ENTPD1: variants seen among roughly 807,000 people sequenced by gnomAD.
ENTPD1 encodes the protein ectonucleoside triphosphate diphosphohydrolase 1, also known as ATP diphosphohydrolase.
Under a neutral mutation model 57.0 loss-of-function variants are expected in ENTPD1, and 33 were observed. That is an observed-to-expected ratio of 0.58 (90% CI 0.44 to 0.77). The LOEUF (loss-of-function observed/expected upper bound fraction) is 0.77. ENTPD1 is among the 30% of genes least tolerant of loss of function. The pLI, the probability that ENTPD1 is intolerant of heterozygous loss-of-function variation, is 0.00. For missense variants in ENTPD1, 501 were observed against 603.4 expected (o/e 0.83, Z 1.78); for synonymous variants, 202 against 218.8 (o/e 0.92, Z 0.68).
At chr10:95,858,261 G>C (rs2098459114) in intron 7 of ENTPD1, among the ~76,000 whole-genome samples, 1 of 152,126 alleles carries the variant, frequency 6.6e-6, no homozygotes, top group African/African-American at 2.4e-5. Context: ...TGGAAGTCCA[G>C]GGAATTCCAG....
At chr10:95,718,557 T>C (rs1424780120) in intron 1 of ENTPD1, among the ~76,000 whole-genome samples, 1 of 152,156 alleles carries the variant, frequency 6.6e-6, no homozygotes, top group Non-Finnish European at 1.5e-5. Context: ...CCTCGGAAGT[T>C]AGGAATTTCC....
intron 1 of ENTPD1, among the ~76,000 whole-genome samples, chr10:95,737,016 G>A (rs2097995368): frequency 6.6e-6 from 1 of 152,220 alleles, no homozygotes; most frequent in South Asian, 2.1e-4. Context: ...TGAGTCTACT[G>A]AAGTTGAACT....
intron 2 of ENTPD1, among the ~76,000 whole-genome samples, chr10:95,823,824 T>C (rs1328050090): frequency 6.6e-6 from 1 of 152,216 alleles, no homozygotes; most frequent in Non-Finnish European, 1.5e-5. Context: ...AGTCAGAGAT[T>C]GAGGAGAAGA....
At chr10:95,851,388 A>G (rs1354250710) in intron 7 of ENTPD1, among the ~76,000 whole-genome samples, 2 of 152,092 alleles carry the variant, frequency 1.3e-5, no homozygotes, top group African/African-American at 4.8e-5. Context: ...ACACCAATAA[A>G]ATCCCCAAAA....
upstream of ENTPD1, chr10:95,711,708 A>G (rs2097965721): frequency 2.0e-6 from 1 of 491,208 alleles, no homozygotes; most frequent in Non-Finnish European, 3.7e-6. Flanking sequence ...TCAGCCTCCC[A>G]AAGTGCTGAG....
At chr10:95,806,026 G>A (rs7914286) in intron 1 of ENTPD1, among the ~76,000 whole-genome samples, 73,459 of 149,756 alleles carry the variant, frequency 0.49, 17,932 homozygotes, top group Admixed American at 0.59. Context: ...TCCTGAATTT[G>A]AATGTTGGCC....
intron 2 of ENTPD1, among the ~76,000 whole-genome samples, chr10:95,826,593 A>ATTCTT: frequency 7.4e-6 from 1 of 134,864 alleles, no homozygotes; most frequent in East Asian, 2.0e-4. Context: ...AAAAAAAAAA[A>ATTCTT]TTCCAGGCAG....
chr10:95,776,159 G>A (rs943847860), intron 1 of ENTPD1, among the ~76,000 whole-genome samples: 1 of 152,172 alleles, frequency 6.6e-6, no homozygotes, highest in Non-Finnish European at 1.5e-5. Context: ...ATATTGTTAT[G>A]TGTGAATTTG....
At chr10:95,780,269 G>C (rs184383431) in intron 1 of ENTPD1, among the ~76,000 whole-genome samples, 2 of 152,096 alleles carry the variant, frequency 1.3e-5, no homozygotes, top group African/African-American at 4.8e-5. Context: ...CTAAGTGTCC[G>C]TCAAACATTA....
At chr10:95,854,560 G>T (rs2140929453) in intron 7 of ENTPD1, among the ~76,000 whole-genome samples, 1 of 152,160 alleles carries the variant, frequency 6.6e-6, no homozygotes, top group Admixed American at 6.5e-5. Context: ...GCTTTCTCTT[G>T]TGGGCATTTA....
chr10:95,863,036 A>G (rs566861038), intron 8 of ENTPD1, among the ~76,000 whole-genome samples: 2 of 152,250 alleles, frequency 1.3e-5, no homozygotes, highest in South Asian at 2.1e-4. Context: ...TCCCCTCCCA[A>G]TTTGGAGAGC....
At chr10:95,810,068 G>A (rs1250810420) in intron 1 of ENTPD1, among the ~76,000 whole-genome samples, 1 of 147,394 alleles carries the variant, frequency 6.8e-6, no homozygotes, top group Non-Finnish European at 1.5e-5. Flanking sequence ...AGACAGGGTC[G>A]CGGTCGGGCA....
intron 1 of ENTPD1, among the ~76,000 whole-genome samples, chr10:95,729,366 C>CA (rs1451727912): frequency 1.3e-5 from 2 of 152,132 alleles, no homozygotes; most frequent in African/African-American, 4.8e-5. Context: ...AGGTTCTACT[C>CA]AAAAACTGTT....
chr10:95,752,404 C>T (rs2098013459), upstream of ENTPD1, among the ~76,000 whole-genome samples: 1 of 152,116 alleles, frequency 6.6e-6, no homozygotes, highest in Non-Finnish European at 1.5e-5. Flanking sequence ...CCTGTAATCC[C>T]AGCACTTTGG....
intron 1 of ENTPD1, among the ~76,000 whole-genome samples, chr10:95,736,002 T>TG (rs1271578931): frequency 1.3e-4 from 4 of 30,954 alleles, no homozygotes; most frequent in South Asian, 1.1e-3. Context: ...ATTTTCAAAG[T>TG]TTTTTTTTTT....
At position 95,871,282 on chromosome 10, in the gene ENTPD1, AAATAT is replaced by A. The variant is rs1301417512; in HGVS notation, c.*4903_*4907del. Reference sequence around the variant, plus strand: ...TGAAATATAAAATGTGTTTACTGTAAAATATAATCTGTTTATCTCACCAAAGAAAT... The same window carrying A: ...TGAAATATAAAATGTGTTTACTGTAAAATCTGTTTATCTCACCAAAGAAAT... On this transcript the variant is annotated 3_prime_UTR_variant, in exon 10 of 10. Transcript: ENST00000371205. The A allele has an allele frequency of 2.0e-6, 2 of 984,682 alleles. No individual in the cohort carries two copies. Among genetic ancestry groups the A allele is most frequent in the South Asian group, 4.7e-5 (1 of 21,280 alleles). The allele number at this position is 984,682 out of a possible 1,614,324, so 61.0% of individuals were successfully genotyped here.
intron 1 of ENTPD1, among the ~76,000 whole-genome samples, chr10:95,798,489 C>G (rs1589873168): frequency 6.6e-6 from 1 of 152,216 alleles, no homozygotes; most frequent in East Asian, 1.9e-4. Flanking sequence ...GGCTTCACCC[C>G]ACCCAATCCT....
At chr10:95,846,962 C>T (rs1752527687) in intron 6 of ENTPD1, among the ~76,000 whole-genome samples, 2 of 150,736 alleles carry the variant, frequency 1.3e-5, no homozygotes, top group African/African-American at 2.4e-5. Context: ...TTACTCCAGC[C>T]TGGGCGACAG....
chr10:95,869,479 A>G lies in ENTPD1; in HGVS notation c.*3096A>G, dbSNP rs1434980560. ...TGGCCAGGCTGGTCTCCAACTCCCA[A>G]TCTCAGGTGATCCTATTGCCTCGGG... On this transcript the variant is annotated 3_prime_UTR_variant, in exon 10 of 10. Coordinates refer to ENST00000371205, the MANE Select transcript of ENTPD1 (RefSeq NM_001776.6). 4.5e-6 allele frequency: 4 copies of G among 895,052 alleles called. No individual in the cohort carries two copies. In the African/African-American group the frequency reaches 7.2e-5, roughly 16 times the overall value. The allele number at this position is 895,052 out of a possible 1,614,324, so 55.4% of individuals were successfully genotyped here.
Sources: gnomAD v4.1 joint callset for allele counts (sites outside exome capture counted in the v4.1 genomes callset) on GRCh38, gnomAD v4.1.1 for gene constraint, MANE v1.5 for transcripts, NCBI Gene and HGNC (gene_info 2026-07-23, HGNC 2026-07-21) for gene names.